The following ZNF267 variants were observed in gnomAD, a reference collection of about 807,000 sequenced individuals.
The protein encoded by ZNF267 is zinc finger protein 267.
In ZNF267, 61 loss-of-function variants were observed where a neutral mutation model predicts 71.6. The ratio of observed to expected loss-of-function variants is 0.85; its 90% CI spans 0.69 to 1.05. The LOEUF is 1.05. ZNF267 is among the 50% of genes least tolerant of loss of function. The pLI, the probability that ZNF267 is intolerant of heterozygous loss-of-function variation, is 0.00. For missense variants in ZNF267, 852 were observed against 870.0 expected (o/e 0.98, Z 0.26); for synonymous variants, 288 against 293.2 (o/e 0.98, Z 0.18).
At chr16:31,894,775 C>T in intron 3 of ZNF267, 1 of 499,638 alleles carries the variant, frequency 2.0e-6, no homozygotes, top group South Asian at 1.5e-5. Context: ...TCAGCAGTTT[C>T]TTCTTTCCTT....
At chr16:31,874,000 G>A in intron 1 of ZNF267, 31 bp downstream of exon 1, 1 of 1,604,498 alleles carries the variant, frequency 6.2e-7, no homozygotes, top group Non-Finnish European at 8.5e-7. Flanking sequence ...GTCCCCAGAG[G>A]GAGGGAGGGC....
intron 3 of ZNF267, chr16:31,913,063 T>C (rs2084147087): frequency 3.9e-5 from 6 of 152,124 alleles, no homozygotes; most frequent in Admixed American, 3.9e-4. Flanking sequence ...AATGTGTAGA[T>C]GTTCATCTGT....
chr16:31,905,010 G>C (rs950734698), intron 3 of ZNF267, among the ~76,000 whole-genome samples: 1 of 152,086 alleles, frequency 6.6e-6, no homozygotes, highest in East Asian at 1.9e-4. Context: ...GCATTTGCTT[G>C]TCTGTAAAGG....
chr16:31,897,504 A>G (rs551543050), intron 3 of ZNF267, among the ~76,000 whole-genome samples: 26 of 152,106 alleles, frequency 1.7e-4, no homozygotes, highest in Non-Finnish European at 3.4e-4. Context: ...TTTGATTACT[A>G]TAGCTTTGTA....
At chr16:31,881,906 A>G (rs555767293) in intron 1 of ZNF267, among the ~76,000 whole-genome samples, 1 of 152,114 alleles carries the variant, frequency 6.6e-6, no homozygotes, top group South Asian at 2.1e-4. Flanking sequence ...CTCAAGTGAT[A>G]ACACCCATCT....
At chr16:31,900,200 GTGTT>G (rs778430967) in intron 3 of ZNF267, among the ~76,000 whole-genome samples, 5 of 151,382 alleles carry the variant, frequency 3.3e-5, no homozygotes, top group Non-Finnish European at 5.9e-5. Context: ...ACACGAGAAA[GTGTT>G]TGTCTTTTCA....
At chr16:31,894,393 T>G (rs2083982266) in intron 3 of ZNF267, 1 of 398,862 alleles carries the variant, frequency 2.5e-6, no homozygotes, top group Non-Finnish European at 4.8e-6. Context: ...AAGATCTCTT[T>G]CCGTTCATGT....
At chr16:31,908,052 A>AAT (rs1349759989) in intron 3 of ZNF267, among the ~76,000 whole-genome samples, 2 of 152,068 alleles carry the variant, frequency 1.3e-5, no homozygotes, top group African/African-American at 4.8e-5. Context: ...CAAAAAAAAA[A>AAT]AATAATACTA....
chr16:31,874,697 G>A (rs532013597), intron 1 of ZNF267, among the ~76,000 whole-genome samples: 10 of 152,178 alleles, frequency 6.6e-5, no homozygotes, highest in African/African-American at 2.2e-4. Flanking sequence ...CCGTATAATC[G>A]CCTGCTCATT....
chr16:31,880,590 ACT>A (rs1325994215), intron 1 of ZNF267, among the ~76,000 whole-genome samples: 3 of 151,932 alleles, frequency 2.0e-5, no homozygotes, highest in African/African-American at 7.3e-5. Context: ...GTTACCAGGG[ACT>A]CTCTTACCAG....
intron 3 of ZNF267, among the ~76,000 whole-genome samples, chr16:31,902,200 TGTA>T (rs2084047051): frequency 6.6e-6 from 1 of 152,222 alleles, no homozygotes; most frequent in Non-Finnish European, 1.5e-5. Flanking sequence ...ACTGTAGCCT[TGTA>T]GTATAGTTTG....
chr16:31,894,496 T>C (rs1453952842), intron 3 of ZNF267: 4 of 492,070 alleles, frequency 8.1e-6, no homozygotes, highest in African/African-American at 8.0e-5. Context: ...AATCATTAGC[T>C]CTTTGTGTGT....
chr16:31,884,426 C>A, intron 1 of ZNF267, 72 bp from the exon 2 acceptor site: 1 of 1,598,136 alleles, frequency 6.3e-7, no homozygotes, highest in South Asian at 1.1e-5. Flanking sequence ...CAATAACTGT[C>A]ATTTCATCTT....
chr16:31,876,653 T>C (rs975881010), intron 1 of ZNF267, among the ~76,000 whole-genome samples: 1 of 152,216 alleles, frequency 6.6e-6, no homozygotes, highest in Non-Finnish European at 1.5e-5. Context: ...TACTTTAGTG[T>C]TTTCTGTTGA....
At chr16:31,904,082 T>G (rs2084066078) in intron 3 of ZNF267, among the ~76,000 whole-genome samples, 1 of 152,256 alleles carries the variant, frequency 6.6e-6, no homozygotes, top group Admixed American at 6.5e-5. Flanking sequence ...TCAGTTTCCA[T>G]GTAGTTGAGC....
At chr16:31,893,612 A>G (rs1275025581) in intron 3 of ZNF267, among the ~76,000 whole-genome samples, 1 of 152,234 alleles carries the variant, frequency 6.6e-6, no homozygotes, top group African/African-American at 2.4e-5. Context: ...TTTAAGATTC[A>G]CAATGAGACT....
At chr16:31,880,855 A>G (rs963133044) in intron 1 of ZNF267, among the ~76,000 whole-genome samples, 1 of 152,206 alleles carries the variant, frequency 6.6e-6, no homozygotes, top group Non-Finnish European at 1.5e-5. Context: ...TATGGCCACT[A>G]GGAAAACAGA....
chr16:31,906,275 G>A (rs371507185), intron 3 of ZNF267, among the ~76,000 whole-genome samples: 6 of 152,220 alleles, frequency 3.9e-5, no homozygotes, highest in Non-Finnish European at 8.8e-5. Context: ...CAAGCTGTGT[G>A]CTGGGAGAAC....
chr16:31,875,166 A>G, intron 1 of ZNF267: 1 of 1,289,034 alleles, frequency 7.8e-7, no homozygotes, highest in Non-Finnish European at 1.0e-6. Context: ...CTGTATAGCC[A>G]CCCTCTATCC....
Sources: gnomAD v4.1 joint callset for allele counts (sites outside exome capture counted in the v4.1 genomes callset) on GRCh38, gnomAD v4.1.1 for gene constraint, MANE v1.5 for transcripts, NCBI Gene and HGNC (gene_info 2026-07-23, HGNC 2026-07-21) for gene names.